Variants in TTC6 observed in about 807,000 individuals in gnomAD.
The protein encoded by TTC6 is tetratricopeptide repeat protein 6.
Under a neutral mutation model 210.4 loss-of-function variants are expected in TTC6, and 172 were observed. That is an observed-to-expected ratio of 0.82 (90% CI 0.72 to 0.93). The LOEUF is 0.93. TTC6 is among the 40% of genes least tolerant of loss of function. The pLI is 0.00. For synonymous variants in TTC6, 804 were observed against 819.6 expected, an observed-to-expected ratio of 0.98 and a Z score of 0.32; for missense variants, 2,414 against 2,318.1, an observed-to-expected ratio of 1.04 and a Z score of -0.85.
intron 26 of TTC6, among the ~76,000 whole-genome samples, chr14:37,821,975 G>A (rs948865362): frequency 6.6e-6 from 1 of 151,392 alleles, no homozygotes; most frequent in South Asian, 2.1e-4. Flanking sequence ...GAGACGGGGT[G>A]TCACCATGTT....
rs73254839 is a variant in TTC6, at chr14:37,762,138, A to C, written c.3266+8903A>C. On this transcript the variant is annotated intron_variant, in intron 14 of 30. Transcript: ENST00000553443. ...CTTCCAAGTTAATTCGTATTGTTGTAAGTGGTGGGATTTCCCTTTTTTTTT... is the reference window on the plus strand; with the variant it reads ...CTTCCAAGTTAATTCGTATTGTTGTCAGTGGTGGGATTTCCCTTTTTTTTT... Among the ~76,000 whole-genome samples the C allele has an allele frequency of 9.0e-4, 137 of 152,272 alleles. 1 individual carries two copies. Among genetic ancestry groups the C allele is most frequent in the Middle Eastern group, 3.4e-3 (1 of 294 alleles).
chr14:37,734,081 G>C (rs2095895034), intron 7 of TTC6, among the ~76,000 whole-genome samples: 1 of 152,088 alleles, frequency 6.6e-6, no homozygotes, highest in South Asian at 2.1e-4. Context: ...AAACATTTGA[G>C]ACTTAGAATG....
In TTC6 at chr14:37,632,568, G is replaced by A. The variant is rs573523377; in HGVS notation, c.939+9565G>A. On this transcript the variant is annotated intron_variant, in intron 1 of 30. Transcript: ENST00000553443. ...AGTGTCTGTTTACCCCTGCTGGGAG[G>A]TATTGCTCTGTCAGGAGGCACGGGG... is the stretch of plus-strand genomic sequence containing the variant. Among the ~76,000 whole-genome samples, 104 of 152,302 alleles carry A rather than the reference G, an allele frequency of 6.8e-4. 1 individual carries two copies. The highest frequency in any genetic ancestry group is 2.3e-3 in the African/African-American group (97 of 41,568).
intron 26 of TTC6, among the ~76,000 whole-genome samples, chr14:37,818,034 A>G (rs1237285096): frequency 6.6e-6 from 1 of 152,226 alleles, no homozygotes; most frequent in Non-Finnish European, 1.5e-5. Flanking sequence ...AAGTGGGACT[A>G]TTATAAAGTC....
At chr14:37,679,149 G>A (rs995633872) in intron 1 of TTC6, among the ~76,000 whole-genome samples, 1 of 152,102 alleles carries the variant, frequency 6.6e-6, no homozygotes, top group African/African-American at 2.4e-5. Context: ...TTGAGCCCAG[G>A]AGTTTGAGGT....
chr14:37,673,381 T>C (rs2095762281), intron 1 of TTC6, among the ~76,000 whole-genome samples: 1 of 152,190 alleles, frequency 6.6e-6, no homozygotes, highest in African/African-American at 2.4e-5. Flanking sequence ...TTTCCTTCTT[T>C]CTAAACCTTG....
intron 8 of TTC6, among the ~76,000 whole-genome samples, chr14:37,736,528 T>C (rs1413952778): frequency 6.6e-6 from 1 of 152,144 alleles, no homozygotes; most frequent in Non-Finnish European, 1.5e-5. Flanking sequence ...CATTTCTAGT[T>C]TTTTCACTCA....
intron 7 of TTC6, among the ~76,000 whole-genome samples, chr14:37,727,450 T>C (rs568101054): frequency 1.3e-4 from 20 of 151,842 alleles, no homozygotes; most frequent in East Asian, 3.9e-4. Flanking sequence ...CACACCACCA[T>C]GCCTGGCTAA....
chr14:37,627,183 G>A (rs576736757), intron 1 of TTC6, among the ~76,000 whole-genome samples: 6 of 152,082 alleles, frequency 3.9e-5, no homozygotes, highest in East Asian at 1.9e-4. Flanking sequence ...GCTTCCTGAG[G>A]CCTCCCCAGA....
In TTC6 at chr14:37,622,766, CG is replaced by C. The variant is rs1239757796; in HGVS notation, c.706del (p.Ala236ProfsTer10). ...TCCGCAGCAACTTCGTGAGCGAGAG[CG>C]GGGCCCGCGAGGCGCGGGAAGCGGC... On this transcript the variant is annotated frameshift_variant, in exon 1 of 31. Transcript: ENST00000553443. LOFTEE classifies it high-confidence loss of function. The C allele has an allele frequency of 5.2e-6, 8 of 1,534,692 alleles. No homozygotes were observed. The highest frequency in any genetic ancestry group is 5.2e-6 in the Non-Finnish European group (6 of 1,146,342).
intron 1 of TTC6, among the ~76,000 whole-genome samples, chr14:37,670,474 C>CCTTTTTTTTTTTTTTTTTTTTTTT (rs532690678): frequency 8.2e-6 from 1 of 121,326 alleles, no homozygotes. Flanking sequence ...AACTACCTCA[C>CCTTTTTTTTTTTTTTTTTTTTTTT]TTTTTTTTTT....
intron 14 of TTC6, among the ~76,000 whole-genome samples, chr14:37,767,160 T>G (rs1404481081): frequency 6.6e-6 from 1 of 152,222 alleles, no homozygotes; most frequent in Admixed American, 6.5e-5. Context: ...TAGTATTCCA[T>G]GGTGTATATG....
At chr14:37,756,081 T>C (rs2139067166) in intron 14 of TTC6, among the ~76,000 whole-genome samples, 1 of 152,292 alleles carries the variant, frequency 6.6e-6, no homozygotes, top group Non-Finnish European at 1.5e-5. Flanking sequence ...TTGTAAGTTG[T>C]ATTCTTAGAT....
chr14:37,765,170 A>C (rs1417492431), intron 14 of TTC6, among the ~76,000 whole-genome samples: 2 of 151,866 alleles, frequency 1.3e-5, no homozygotes, highest in African/African-American at 4.8e-5. Flanking sequence ...ATATTAAAAA[A>C]ATTTTTTTTA....
intron 1 of TTC6, among the ~76,000 whole-genome samples, chr14:37,667,209 A>G (rs2095749861): frequency 8.0e-5 from 12 of 149,912 alleles, no homozygotes; most frequent in Admixed American, 8.0e-4. Context: ...GGACAGGGAG[A>G]TTAGATTGGG....
At chr14:37,702,709 G>T in intron 5 of TTC6, among the ~76,000 whole-genome samples, 1 of 152,084 alleles carries the variant, frequency 6.6e-6, no homozygotes, top group East Asian at 1.9e-4. Flanking sequence ...ACTATCACAA[G>T]ATTATTAGTA....
intron 1 of TTC6, among the ~76,000 whole-genome samples, chr14:37,634,266 A>C (rs1282882631): frequency 6.6e-6 from 1 of 152,212 alleles, no homozygotes; most frequent in Non-Finnish European, 1.5e-5. Context: ...AAAAGTAGAA[A>C]GTCTCAGTAA....
intron 10 of TTC6, among the ~76,000 whole-genome samples, chr14:37,744,715 A>G (rs1311430900): frequency 1.3e-5 from 2 of 152,160 alleles, no homozygotes; most frequent in African/African-American, 2.4e-5. Context: ...TTTATAGGTT[A>G]TGGTAAAGAC....
intron 20 of TTC6, among the ~76,000 whole-genome samples, chr14:37,803,937 A>G (rs1467565858): frequency 1.3e-5 from 2 of 152,196 alleles, no homozygotes; most frequent in African/African-American, 4.8e-5. Context: ...ATTTAAGACA[A>G]TTAAGAAGAT....
Sources: allele counts gnomAD v4.1 joint callset (sites outside exome capture counted in the v4.1 genomes callset), GRCh38; gene constraint gnomAD v4.1.1; transcripts MANE v1.5; gene names NCBI Gene and HGNC (gene_info 2026-07-23, HGNC 2026-07-21).